PTPRD: variants seen among roughly 807,000 people sequenced by gnomAD.
The protein encoded by PTPRD is receptor-type tyrosine-protein phosphatase delta.
Under a neutral mutation model 214.5 loss-of-function variants are expected in PTPRD, and 34 were observed. The ratio of observed to expected loss-of-function variants is 0.16; its 90% CI spans 0.12 to 0.21. The LOEUF is 0.21. Ranked by LOEUF, PTPRD falls within the 10% of genes least tolerant of loss-of-function variation. The pLI is 1.00. For synonymous variants in PTPRD, 1,128 were observed against 845.7 expected (o/e 1.33, Z -5.79); for missense variants, 2,545 against 2,398.7 (o/e 1.06, Z -1.27).
At chr9:9,811,462 C>T (rs1443965013) in intron 5 of PTPRD, among the ~76,000 whole-genome samples, 2 of 152,126 alleles carry the variant, frequency 1.3e-5, no homozygotes, top group Non-Finnish European at 1.5e-5. Context: ...AATCCCAGCA[C>T]TTTGGGAGGC....
intron 8 of PTPRD, among the ~76,000 whole-genome samples, chr9:9,410,573 T>C (rs891629432): frequency 2.0e-5 from 3 of 152,098 alleles, no homozygotes; most frequent in Admixed American, 6.6e-5. Flanking sequence ...AACCCGACTA[T>C]GAATTCCTTG....
chr9:8,878,553 GT>G (rs2098415375), intron 11 of PTPRD, among the ~76,000 whole-genome samples: 1 of 151,864 alleles, frequency 6.6e-6, no homozygotes, highest in South Asian at 2.1e-4. Flanking sequence ...TTGAGACAGA[GT>G]CTCACTGTGT....
chr9:8,513,721 T>C (rs1405219375), intron 21 of PTPRD, among the ~76,000 whole-genome samples: 3 of 152,052 alleles, frequency 2.0e-5, no homozygotes. Flanking sequence ...GTTACTCCTT[T>C]TTCTTAAGGA....
chr9:10,029,318 T>G (rs1472242258), intron 4 of PTPRD, among the ~76,000 whole-genome samples: 3 of 152,102 alleles, frequency 2.0e-5, no homozygotes, highest in African/African-American at 7.2e-5. Flanking sequence ...CGCTGTCTAG[T>G]GGAGCTGTGA....
intron 2 of PTPRD, among the ~76,000 whole-genome samples, chr9:10,461,842 G>C (rs1165720392): frequency 6.6e-6 from 1 of 151,944 alleles, no homozygotes; most frequent in Admixed American, 6.6e-5. Context: ...GGCTGGTCTC[G>C]AGCTCCTGAC....
intron 33 of PTPRD, among the ~76,000 whole-genome samples, chr9:8,458,455 A>G (rs1280591768): frequency 2.0e-5 from 3 of 152,110 alleles, no homozygotes; most frequent in Non-Finnish European, 4.4e-5. Flanking sequence ...ATAATCACAA[A>G]ATGTCATGTC....
At chr9:10,145,259 G>A (rs748636596) in intron 3 of PTPRD, among the ~76,000 whole-genome samples, 1 of 151,584 alleles carries the variant, frequency 6.6e-6, no homozygotes, top group South Asian at 2.1e-4. Flanking sequence ...TAAAATGAAT[G>A]CTTGCATGTG....
intron 8 of PTPRD, among the ~76,000 whole-genome samples, chr9:9,435,267 T>G (rs2084771686): frequency 6.6e-6 from 1 of 152,050 alleles, no homozygotes. Flanking sequence ...TCTCAGCACT[T>G]TGGGAAGCTG....
At chr9:9,311,849 T>C (rs554388780) in intron 9 of PTPRD, among the ~76,000 whole-genome samples, 2 of 152,326 alleles carry the variant, frequency 1.3e-5, no homozygotes, top group South Asian at 4.1e-4. Flanking sequence ...CCTAGGTAGA[T>C]AAAAATAGAA....
intron 10 of PTPRD, among the ~76,000 whole-genome samples, chr9:9,113,029 A>G (rs2099808313): frequency 6.6e-6 from 1 of 151,544 alleles, no homozygotes; most frequent in Admixed American, 6.6e-5. Flanking sequence ...CAGGGGCTCA[A>G]TTATAGCTCA....
At chr9:10,329,642 T>C (rs936832669) in intron 3 of PTPRD, among the ~76,000 whole-genome samples, 1 of 151,836 alleles carries the variant, frequency 6.6e-6, no homozygotes, top group African/African-American at 2.4e-5. Context: ...TTTAAAAAGA[T>C]ACAAGTATAC....
At chr9:8,672,280 T>G (rs994936928) in intron 12 of PTPRD, among the ~76,000 whole-genome samples, 1 of 152,146 alleles carries the variant, frequency 6.6e-6, no homozygotes, top group Non-Finnish European at 1.5e-5. Context: ...CAGAATGAGA[T>G]TCAAGTAGTT....
At chr9:8,470,441 T>C (rs989533518) in intron 31 of PTPRD, among the ~76,000 whole-genome samples, 1 of 152,176 alleles carries the variant, frequency 6.6e-6, no homozygotes, top group African/African-American at 2.4e-5. Context: ...TATTCTGCTT[T>C]GCTCACAATT....
chr9:9,963,452 A>G (rs79812440), intron 4 of PTPRD, among the ~76,000 whole-genome samples: 57 of 152,210 alleles, frequency 3.7e-4, no homozygotes, highest in Admixed American at 1.3e-3. Context: ...TTTCTACCCA[A>G]TTTTCTATGT....
intron 11 of PTPRD, chr9:8,857,737 C>T (rs907208051): frequency 8.3e-5 from 13 of 156,098 alleles, no homozygotes; most frequent in African/African-American, 2.2e-4. Flanking sequence ...CGCGCCGCCG[C>T]CTCCGGGCGG....
At chr9:8,967,617 T>C (rs1045649004) in intron 11 of PTPRD, among the ~76,000 whole-genome samples, 1 of 151,880 alleles carries the variant, frequency 6.6e-6, no homozygotes, top group Non-Finnish European at 1.5e-5. Context: ...CAAAAAACAA[T>C]AGAAAATTAA....
At chr9:9,379,248 T>A (rs1175040636) in intron 9 of PTPRD, among the ~76,000 whole-genome samples, 6 of 138,692 alleles carry the variant, frequency 4.3e-5, no homozygotes, top group Non-Finnish European at 7.8e-5. Context: ...ATATATATAT[T>A]TGCCTGTGAA....
At chr9:10,462,369 T>C (rs1041121052) in intron 2 of PTPRD, among the ~76,000 whole-genome samples, 19 of 151,946 alleles carry the variant, frequency 1.3e-4, no homozygotes, top group African/African-American at 4.4e-4. Context: ...CAGTGACTTT[T>C]AAGAAAGGTA....
chr9:9,619,597 G>C (rs2095113111), intron 7 of PTPRD, among the ~76,000 whole-genome samples: 2 of 143,694 alleles, frequency 1.4e-5, no homozygotes, highest in African/African-American at 2.5e-5. Flanking sequence ...ATGTTAGAGA[G>C]ATAATATACA....
Sources: gnomAD v4.1 joint callset for allele counts (sites outside exome capture counted in the v4.1 genomes callset) on GRCh38, gnomAD v4.1.1 for gene constraint, MANE v1.5 for transcripts, NCBI Gene and HGNC (gene_info 2026-07-23, HGNC 2026-07-21) for gene names.